The following BCOR variants were observed in gnomAD, a reference collection of about 807,000 sequenced individuals.
The protein encoded by BCOR is BCL-6 corepressor.
A neutral mutation model predicts 86.7 loss-of-function variants in BCOR; 10 were observed. The observed-to-expected ratio is 0.12, with a 90% CI of 0.07 to 0.20. The LOEUF (loss-of-function observed/expected upper bound fraction) is 0.20. Among genes scored for constraint, BCOR ranks in the 10% least tolerant of loss-of-function variants. The probability of loss-of-function intolerance (pLI) is 1.00; values close to 1 mark genes in which losing one functional copy is unlikely to be tolerated. For synonymous variants in BCOR, 611 were observed against 609.0 expected (o/e 1.00, Z -0.05); for missense variants, 1,259 against 1,452.1 (o/e 0.87, Z 2.16).
intron 6 of BCOR, among the ~76,000 whole-genome samples, chrX:40,065,522 C>T (rs922540757): frequency 8.9e-6 from 1 of 112,336 alleles, no homozygotes; most frequent in South Asian, 3.7e-4. Flanking sequence ...CAAAACCGCT[C>T]GTTCCAGGAA....
intron 1 of BCOR, among the ~76,000 whole-genome samples, chrX:40,126,329 G>C (rs1263902854): frequency 1.8e-5 from 2 of 109,128 alleles, no homozygotes; most frequent in Admixed American, 9.8e-5. Context: ...ATCGAGACCA[G>C]CCTGGCTAAC....
chrX:40,109,754 G>A (rs1302258719), intron 1 of BCOR, among the ~76,000 whole-genome samples: 1 of 113,198 alleles, frequency 8.8e-6, no homozygotes, highest in Non-Finnish European at 1.9e-5. Context: ...GCGCGGCGCC[G>A]CCGACTCGGC....
rs1372488750 is a variant in BCOR at position 40,071,051 on chromosome X, A to G, written c.3160T>C (p.Leu1054=). ...CKFSPADWER[L]KGNQDKKPKS... The stretch of plus-strand genomic sequence containing the variant: ...GGCTTTTTGTCCTGATTTCCTTTCA[A>G]CCTTTCCCAGTCGGCTGGGCTGAAT... The change falls in exon 6 of 15, where the codon TTG becomes CTG. Residue 1054 remains leucine, a synonymous_variant. Coordinates refer to ENST00000378444, the MANE Select transcript of BCOR (RefSeq NM_001123385.2). 2 of 1,209,812 alleles carry G rather than the reference A, an allele frequency of 1.7e-6. No homozygotes were observed. The highest frequency in any genetic ancestry group is 3.0e-5 in the East Asian group (1 of 33,790).
At chrX:40,065,769 G>A (rs1935170331) in intron 6 of BCOR, among the ~76,000 whole-genome samples, 1 of 111,676 alleles carries the variant, frequency 9.0e-6, no homozygotes, top group Non-Finnish European at 1.9e-5. Context: ...TGAGTCTGGT[G>A]TCTTGGTAAC....
chrX:40,146,920 C>A (rs1290792956), intron 1 of BCOR, among the ~76,000 whole-genome samples: 1 of 112,419 alleles, frequency 8.9e-6, no homozygotes, highest in Middle Eastern at 4.6e-3. Flanking sequence ...TAGCCCCTGG[C>A]GGCAAGTTTA....
chrX:40,069,502 C>T (rs1935366922), intron 6 of BCOR, among the ~76,000 whole-genome samples: 1 of 112,529 alleles, frequency 8.9e-6, no homozygotes, highest in African/African-American at 3.2e-5. Flanking sequence ...CCATGTTACT[C>T]AAAAACCACA....
At chrX:40,116,193 T>A (rs1021967999) in intron 1 of BCOR, among the ~76,000 whole-genome samples, 2 of 112,090 alleles carry the variant, frequency 1.8e-5, no homozygotes, top group Non-Finnish European at 3.8e-5. Flanking sequence ...TAATCTCATG[T>A]CATATAGAAA....
At chrX:40,056,261 A>C (rs1396950117) in intron 11 of BCOR, among the ~76,000 whole-genome samples, 1 of 104,602 alleles carries the variant, frequency 9.6e-6, no homozygotes, top group Non-Finnish European at 2.0e-5. Context: ...AAGCCAATAC[A>C]ACAAGCAACT....
At chrX:40,069,432 G>A (rs770461082) in intron 6 of BCOR, among the ~76,000 whole-genome samples, 1 of 112,075 alleles carries the variant, frequency 8.9e-6, no homozygotes, top group Admixed American at 9.4e-5. Flanking sequence ...ATCATGTGGG[G>A]CTTGGGCCCT....
intron 1 of BCOR, among the ~76,000 whole-genome samples, chrX:40,107,357 C>G (rs1025347133): frequency 9.0e-6 from 1 of 111,272 alleles, no homozygotes; most frequent in Non-Finnish European, 1.9e-5. Context: ...CCAGGTCCCT[C>G]GGTCCAGGAG....
intron 1 of BCOR, among the ~76,000 whole-genome samples, chrX:40,172,664 G>T (rs935093536): frequency 8.8e-5 from 10 of 113,251 alleles, no homozygotes; most frequent in African/African-American, 3.2e-4. Flanking sequence ...GGGCTCTCCA[G>T]TCCTGGGCCG....
intron 1 of BCOR, among the ~76,000 whole-genome samples, chrX:40,113,804 C>CT (rs771435334): frequency 2.9e-5 from 3 of 102,846 alleles, no homozygotes; most frequent in Admixed American, 1.0e-4. Flanking sequence ...ATGCCTAATA[C>CT]TTTTTTTTTC....
intron 1 of BCOR, among the ~76,000 whole-genome samples, chrX:40,166,106 G>C (rs1938504130): frequency 1.8e-5 from 2 of 112,468 alleles, no homozygotes; most frequent in East Asian, 5.6e-4. Context: ...TGGGGGCAGA[G>C]CTCCCATCTT....
Position 40,073,996 on chromosome X carries a change from T to A in BCOR, c.1350A>T (p.Val450=), listed in dbSNP as rs1156596933. The A allele has an allele frequency of 8.2e-7, 1 of 1,212,386 alleles. No individual in the cohort carries two copies. Among genetic ancestry groups the A allele is most frequent in the Non-Finnish European group, 1.1e-6 (1 of 895,641 alleles). Residue 450 remains valine, a synonymous_variant, in exon 4 of 15, where the codon GTA becomes GTT. Transcript: ENST00000378444. ...TCATGTGGTCAGCTTTGGAAGCATC[T>A]ACATCCACCACTTTAGAAGACAAGT... The part of the protein sequence containing the change: ...PLDLSSKVVD[V]DASKADHMKK...
At chrX:40,153,343 A>T (rs1938211370) in intron 1 of BCOR, among the ~76,000 whole-genome samples, 1 of 112,464 alleles carries the variant, frequency 8.9e-6, no homozygotes, top group African/African-American at 3.2e-5. Context: ...GGTGGGGGAC[A>T]GCTGAAATGT....
chrX:40,090,721 C>T (rs1387797706), intron 1 of BCOR, among the ~76,000 whole-genome samples: 1 of 112,421 alleles, frequency 8.9e-6, no homozygotes, highest in African/African-American at 3.2e-5. Context: ...GTCTAATGCT[C>T]CGGGAAGGGG....
chrX:40,157,920 C>T (rs951347125), intron 1 of BCOR, among the ~76,000 whole-genome samples: 17 of 112,735 alleles, frequency 1.5e-4, no homozygotes, highest in African/African-American at 5.5e-4. Flanking sequence ...GATTTCACAA[C>T]CAGAAGTAGC....
chrX:40,110,704 T>C (rs1208865393), intron 1 of BCOR, among the ~76,000 whole-genome samples: 20 of 38,390 alleles, frequency 5.2e-4, no homozygotes, highest in African/African-American at 3.4e-3. Context: ...TTTTTTTTTT[T>C]TTTTTTTTTT....
At chrX:40,138,384 G>A (rs1226699683) in intron 1 of BCOR, among the ~76,000 whole-genome samples, 2 of 111,672 alleles carry the variant, frequency 1.8e-5, no homozygotes, top group Non-Finnish European at 3.8e-5. Flanking sequence ...CCACATTCCC[G>A]GTTTTCTTGG....
Sources: gnomAD v4.1 joint callset for allele counts (sites outside exome capture counted in the v4.1 genomes callset) on GRCh38, gnomAD v4.1.1 for gene constraint, MANE v1.5 for transcripts, NCBI Gene and HGNC (gene_info 2026-07-23, HGNC 2026-07-21) for gene names.